CDIN1: variants seen among roughly 807,000 people sequenced by gnomAD.
CDIN1 encodes CDAN1-interacting nuclease 1.
In CDIN1, 33 loss-of-function variants were observed where a neutral mutation model predicts 45.3. The ratio of observed to expected loss-of-function variants is 0.73; its 90% confidence interval spans 0.55 to 0.97. The LOEUF (loss-of-function observed/expected upper bound fraction) is 0.97. Among genes scored for constraint, CDIN1 ranks in the 50% least tolerant of loss-of-function variants. The pLI is 0.00. For missense variants in CDIN1, 303 were observed against 339.4 expected (o/e 0.89, Z 0.84); for synonymous variants, 118 against 124.4 (o/e 0.95, Z 0.34).
chr15:36,627,522 C>G (rs921609535), intron 1 of CDIN1: 3 of 155,428 alleles, frequency 1.9e-5, no homozygotes, highest in African/African-American at 7.2e-5. Flanking sequence ...ATGGCCAGCA[C>G]ACAAGGGATG....
chr15:36,669,014 C>T (rs1028282832), intron 5 of CDIN1: 6 of 152,080 alleles, frequency 3.9e-5, no homozygotes, highest in Non-Finnish European at 5.9e-5. Context: ...CCTTCTTCTT[C>T]GTTAGGTACT....
chr15:36,785,320 T>A (rs1253543124), intron 10 of CDIN1, among the ~76,000 whole-genome samples: 1 of 152,236 alleles, frequency 6.6e-6, no homozygotes. Flanking sequence ...TTCAATAGTC[T>A]GTCTGATGCT....
intron 5 of CDIN1, 22 bp downstream of exon 5, chr15:36,657,927 A>T: frequency 6.3e-7 from 1 of 1,585,628 alleles, no homozygotes. Context: ...TTTTTTCCTA[A>T]TGGTACTCTT....
At chr15:36,649,221 C>T (rs991592471) in intron 3 of CDIN1, among the ~76,000 whole-genome samples, 2 of 152,172 alleles carry the variant, frequency 1.3e-5, no homozygotes, top group African/African-American at 4.8e-5. Flanking sequence ...AGTTTTCACA[C>T]TGGTATAATG....
At chr15:36,806,603 G>A (rs1015144924) in intron 10 of CDIN1, among the ~76,000 whole-genome samples, 2 of 152,084 alleles carry the variant, frequency 1.3e-5, no homozygotes, top group African/African-American at 4.8e-5. Context: ...TGACTCAGGG[G>A]TGCTTCACTG....
intron 3 of CDIN1, among the ~76,000 whole-genome samples, chr15:36,651,529 A>G (rs1041768521): frequency 6.6e-6 from 1 of 152,264 alleles, no homozygotes; most frequent in Non-Finnish European, 1.5e-5. Context: ...GAAAAGACAA[A>G]TATAACCTTA....
intron 10 of CDIN1, among the ~76,000 whole-genome samples, chr15:36,791,910 C>T (rs925040947): frequency 1.3e-5 from 2 of 152,162 alleles, no homozygotes; most frequent in African/African-American, 4.8e-5. Flanking sequence ...TCACAGAGTA[C>T]TTCAAATATT....
chr15:36,697,923 A>G (rs1164872582), intron 8 of CDIN1, among the ~76,000 whole-genome samples: 1 of 152,176 alleles, frequency 6.6e-6, no homozygotes, highest in Non-Finnish European at 1.5e-5. Context: ...ATTTCTTTCA[A>G]CATCTCTTAA....
In CDIN1 at chr15:36,586,208, T is replaced by A. The variant is rs34090250; in HGVS notation, c.101+6247T>A. ...TACCTTTGAGTTTTTTTTTTTTTTT[T>A]AACTATTACAACTGCACTATAAAGT... On this transcript the variant is annotated intron_variant, in intron 1 of 10. Coordinates refer to ENST00000566621, the MANE Select transcript of CDIN1 (RefSeq NM_001321759.2). 6.6e-4 allele frequency among the ~76,000 whole-genome samples: 100 copies of A among 151,340 alleles called. 1 individual carries two copies. The highest frequency in any genetic ancestry group is 1.2e-3 in the Non-Finnish European group (84 of 67,922).
chr15:36,767,380 G>C (rs1360220798), intron 10 of CDIN1, among the ~76,000 whole-genome samples: 1 of 152,142 alleles, frequency 6.6e-6, no homozygotes, highest in Admixed American at 6.5e-5. Context: ...TGTGGGTAAG[G>C]GTTAGATTCC....
chr15:36,796,257 G>A (rs1285143977), intron 10 of CDIN1, among the ~76,000 whole-genome samples: 1 of 152,156 alleles, frequency 6.6e-6, no homozygotes, highest in Non-Finnish European at 1.5e-5. Context: ...CAGTTGTTAT[G>A]AAGTTTATTC....
At chr15:36,740,560 C>T (rs1180473414) in intron 10 of CDIN1, among the ~76,000 whole-genome samples, 1 of 152,108 alleles carries the variant, frequency 6.6e-6, no homozygotes, top group Non-Finnish European at 1.5e-5. Flanking sequence ...CCACTATGGT[C>T]AAATCTCGTA....
Position 36,800,826 on chromosome 15 carries a change from AAAAG to A in CDIN1, c.717-7494_717-7491del, listed in dbSNP as rs1447670824. Among the ~76,000 whole-genome samples the A allele has an allele frequency of 3.4e-5, 5 of 147,612 alleles. No homozygotes were observed. In the East Asian group the frequency reaches 7.9e-4, roughly 23 times the overall value. On this transcript the variant is annotated intron_variant, in intron 10 of 10. Transcript: ENST00000566621. ...CCACACAGCAACTCATAATAAGAGAAAAAGAAATATATATATGATTATGATTATA... is the reference window on the plus strand; with the variant it reads ...CCACACAGCAACTCATAATAAGAGAAAAATATATATATGATTATGATTATA...
At chr15:36,670,543 C>A (rs1755853703) in intron 5 of CDIN1, among the ~76,000 whole-genome samples, 1 of 152,016 alleles carries the variant, frequency 6.6e-6, no homozygotes, top group Non-Finnish European at 1.5e-5. Flanking sequence ...GAAGTGAGGC[C>A]ATCAATATAC....
intron 1 of CDIN1, among the ~76,000 whole-genome samples, chr15:36,611,202 G>A (rs1049429637): frequency 6.6e-6 from 1 of 152,166 alleles, no homozygotes; most frequent in Non-Finnish European, 1.5e-5. Flanking sequence ...ACTGAACTGG[G>A]TAGCTATTGA....
intron 7 of CDIN1, 56 bp from the exon 8 acceptor site, chr15:36,697,266 GC>G: frequency 2.0e-6 from 3 of 1,467,570 alleles, no homozygotes; most frequent in Non-Finnish European, 2.9e-6. Context: ...CCTGGTATTA[GC>G]GTTTTCCTGC....
At chr15:36,786,403 A>G (rs1234793983) in intron 10 of CDIN1, among the ~76,000 whole-genome samples, 2 of 152,190 alleles carry the variant, frequency 1.3e-5, no homozygotes, top group African/African-American at 4.8e-5. Flanking sequence ...TAGATTTTTT[A>G]ATCGTAGTTG....
chr15:36,650,770 C>T (rs12908188), intron 3 of CDIN1, among the ~76,000 whole-genome samples: 145,344 of 152,256 alleles, frequency 0.95, 69,380 homozygotes, highest in East Asian at 1. Flanking sequence ...ATCTGGATAT[C>T]ATAAGATTTC....
rs147454685 is a variant in CDIN1 at position 36,585,541 on chromosome 15, C to T, written c.101+5580C>T. Among the ~76,000 whole-genome samples the T allele has an allele frequency of 1.4e-3, 207 of 152,124 alleles. 1 individual carries two copies. In the Middle Eastern group the frequency reaches 0.02, roughly 15 times the overall value. On this transcript the variant is annotated intron_variant, in intron 1 of 10. Transcript: ENST00000566621. ...AGGGTAAACACTTTTGGCAAGAGTA[C>T]CCTGGAAGTGATGGTGTGGCCTACT...
Sources: gnomAD v4.1 joint callset for allele counts (sites outside exome capture counted in the v4.1 genomes callset) on GRCh38, gnomAD v4.1.1 for gene constraint, MANE v1.5 for transcripts, NCBI Gene and HGNC (gene_info 2026-07-23, HGNC 2026-07-21) for gene names.